The following POLR3A variants were observed in gnomAD, a reference collection of about 807,000 sequenced individuals.
The protein encoded by POLR3A is RNA polymerase III subunit A, also known as DNA-directed RNA polymerase III subunit RPC1.
A neutral mutation model predicts 152.8 loss-of-function variants in POLR3A; 112 were observed. The ratio of observed to expected loss-of-function variants is 0.73; its 90% CI spans 0.63 to 0.86. The LOEUF is 0.86. Ranked by LOEUF, POLR3A falls within the 40% of genes least tolerant of loss-of-function variation. POLR3A has a pLI of 0.00. For missense variants in POLR3A, 1,385 were observed against 1,743.1 expected (o/e 0.79, Z 3.66); for synonymous variants, 615 against 652.1 (o/e 0.94, Z 0.87).
Position 78,029,442 on chromosome 10 carries a change from G to T in POLR3A, c.-35C>A. On this transcript the variant is annotated 5_prime_UTR_variant, in exon 1 of 31. Transcript: ENST00000372371. ...TGCCGGGACGCCTCCTTGGCACTCG[G>T]GAGGCCAGATTAGAGAAACGATGCC... 6.2e-7 allele frequency: 1 copy of T among 1,612,996 alleles called. No homozygotes were observed. Among genetic ancestry groups the T allele is most frequent in the Non-Finnish European group, 8.5e-7 (1 of 1,179,346 alleles).
At chr10:77,984,155 G>A in intron 25 of POLR3A, 50 bp downstream of exon 25, 1 of 1,337,010 alleles carries the variant, frequency 7.5e-7, no homozygotes, top group Non-Finnish European at 1.1e-6. Context: ...ACACTTCCTT[G>A]CAACATTGCT....
intron 15 of POLR3A, 112 bp from the exon 16 acceptor site, chr10:78,005,000 T>C: frequency 2.4e-6 from 2 of 826,814 alleles, no homozygotes; most frequent in Non-Finnish European, 4.2e-6. Flanking sequence ...ACTATGTATG[T>C]ATAGTTTAAA....
chr10:77,986,295 C>T (rs1267061737), intron 21 of POLR3A, 136 bp from the exon 22 acceptor site: 3 of 707,396 alleles, frequency 4.2e-6, no homozygotes, highest in Non-Finnish European at 5.2e-6. Context: ...ATAAAGGACC[C>T]AATCTGGATA....
intron 26 of POLR3A, among the ~76,000 whole-genome samples, chr10:77,983,621 C>G (rs940715192): frequency 6.6e-6 from 1 of 152,188 alleles, no homozygotes; most frequent in Non-Finnish European, 1.5e-5. Context: ...AGGGTCCTTC[C>G]AGACACTGGG....
chr10:77,995,729 A>C (rs969855323), intron 19 of POLR3A, among the ~76,000 whole-genome samples: 1 of 152,194 alleles, frequency 6.6e-6, no homozygotes, highest in African/African-American at 2.4e-5. Flanking sequence ...TTAACACCCC[A>C]CTGTCAACAT....
Position 77,985,981 on chromosome 10 carries a change from C to G in POLR3A, c.2993G>C (p.Arg998Pro), listed in dbSNP as rs139665002. ...GATGCGGTCCAGCTGGTACAGCACA[C>G]GGGGCTGGGAGAATACAAGCCAAGC... ...GINDNGTTEP[R>P]VLYQLDRITP... The change falls in exon 23 of 31, where the codon CGT (arginine) becomes CCT (proline). Residue 998 changes from arginine (R) to proline (P), a missense_variant. Physicochemically the swap from Arg to Pro is moderately radical, Grantham distance 103. Coordinates refer to ENST00000372371, the MANE Select transcript of POLR3A (RefSeq NM_007055.4). 3.1e-6 allele frequency: 5 copies of G among 1,613,826 alleles called. No homozygotes were observed. Among genetic ancestry groups the G allele is most frequent in the Non-Finnish European group, 4.2e-6 (5 of 1,179,898 alleles).
At chr10:78,007,939 G>C (rs1847426959) in intron 14 of POLR3A, 73 bp from the exon 15 acceptor site, 6 of 1,152,586 alleles carry the variant, frequency 5.2e-6, no homozygotes, top group Non-Finnish European at 3.6e-6. Flanking sequence ...ATTTGAGACA[G>C]TTGAGAAAAT....
chr10:78,002,155 C>T (rs377628501), intron 17 of POLR3A, 42 bp downstream of exon 17: 62 of 1,249,208 alleles, frequency 5.0e-5, no homozygotes, highest in Middle Eastern at 2.2e-4. Flanking sequence ...ACAGCCTGTA[C>T]GGAGAACACA....
At chr10:77,978,313 A>G (rs1281376993) in intron 30 of POLR3A, among the ~76,000 whole-genome samples, 1 of 152,218 alleles carries the variant, frequency 6.6e-6, no homozygotes, top group Non-Finnish European at 1.5e-5. Flanking sequence ...TTGTGCTACC[A>G]AGGAACCGGA....
At chr10:78,008,661 G>T (rs564548133) in intron 14 of POLR3A, among the ~76,000 whole-genome samples, 9 of 152,274 alleles carry the variant, frequency 5.9e-5, no homozygotes, top group Non-Finnish European at 1.5e-5. Flanking sequence ...GCAGGGCTCT[G>T]TGGACTGCAC....
Position 77,977,611 on chromosome 10 carries a change from A to T in POLR3A, c.4040T>A (p.Ile1347Asn). The change falls in exon 31 of 31, where the codon ATC (isoleucine) becomes AAC (asparagine). Residue 1347 changes from isoleucine (I) to asparagine (N), a missense_variant. By Grantham distance (149) the Ile-to-Asn change is moderately radical (BLOSUM62 -3). Coordinates refer to ENST00000372371, the MANE Select transcript of POLR3A (RefSeq NM_007055.4). ...KDSVCGVSEC[I>N]IMGIPMNIGT... ...AATGTTCATTGGGATTCCCATGATG[A>T]TGCACTCAGACACCCCTGAAACCAA... The T allele has an allele frequency of 6.2e-7, 1 of 1,613,936 alleles. No homozygotes were observed. The highest frequency in any genetic ancestry group is 8.5e-7 in the Non-Finnish European group (1 of 1,179,836).
At chr10:77,999,173 G>C (rs1406145557) in intron 19 of POLR3A, among the ~76,000 whole-genome samples, 1 of 152,130 alleles carries the variant, frequency 6.6e-6, no homozygotes, top group Non-Finnish European at 1.5e-5. Context: ...AGCGGGGAGG[G>C]ATAGCATTAG....
chr10:78,025,241 T>A, intron 3 of POLR3A, 99 bp from the exon 4 acceptor site: 1 of 1,267,738 alleles, frequency 7.9e-7, no homozygotes, highest in Non-Finnish European at 1.1e-6. Flanking sequence ...CTTAACCACG[T>A]GACCATATAC....
intron 16 of POLR3A, among the ~76,000 whole-genome samples, chr10:78,003,493 C>T (rs1847376952): frequency 6.6e-6 from 1 of 152,176 alleles, no homozygotes; most frequent in Non-Finnish European, 1.5e-5. Flanking sequence ...GGTGGTGATT[C>T]TGATTCTGAC....
chr10:77,999,254 A>T lies in POLR3A; in HGVS notation c.2616+727T>A, dbSNP rs559698189. Among the ~76,000 whole-genome samples, 10 of 152,336 alleles carry T rather than the reference A, an allele frequency of 6.6e-5. No homozygotes were observed. The South Asian group carries it at 2.1e-3, about 32-fold the overall frequency. Reference sequence around the variant, plus strand: ...CATGGCACATGTATACATATGTAACAAACCTGCACGTTGTGCACATGTACC... The same window carrying T: ...CATGGCACATGTATACATATGTAACTAACCTGCACGTTGTGCACATGTACC... On this transcript the variant is annotated intron_variant, in intron 19 of 30. Coordinates refer to ENST00000372371, the MANE Select transcript of POLR3A (RefSeq NM_007055.4).
At chr10:78,010,114 T>G in intron 12 of POLR3A, 123 bp from the exon 13 acceptor site, 1 of 1,278,346 alleles carries the variant, frequency 7.8e-7, no homozygotes, top group South Asian at 1.3e-5. Flanking sequence ...AAACAGCTGC[T>G]TACTGGCTTT....
In POLR3A at chr10:77,975,850, T is replaced by A. The variant is rs1175114076; in HGVS notation, c.*1628A>T. On this transcript the variant is annotated 3_prime_UTR_variant, in exon 31 of 31. Coordinates refer to ENST00000372371, the MANE Select transcript of POLR3A (RefSeq NM_007055.4). ...AGGCAGTTGGGGTGGGGGGTACCCCTTTATGGCTCTTCCCAGGTTACATGA... is the reference window on the plus strand; with the variant it reads ...AGGCAGTTGGGGTGGGGGGTACCCCATTATGGCTCTTCCCAGGTTACATGA... 1 of 151,998 alleles carries A rather than the reference T, an allele frequency of 6.6e-6. No individual in the cohort carries two copies. The allele number at this position is 151,998 out of a possible 1,614,324, so 9.4% of individuals were successfully genotyped here.
At chr10:78,026,823 C>T (rs1372070161) in intron 1 of POLR3A, among the ~76,000 whole-genome samples, 1 of 152,202 alleles carries the variant, frequency 6.6e-6, no homozygotes, top group Non-Finnish European at 1.5e-5. Context: ...TGTATAGACA[C>T]CTCCTCCTGG....
At chr10:78,023,548 C>T (rs1490683563) in intron 5 of POLR3A, among the ~76,000 whole-genome samples, 5 of 151,732 alleles carry the variant, frequency 3.3e-5, no homozygotes, top group Admixed American at 1.3e-4. Context: ...TGGAGGCTGA[C>T]GCAGGAGGAT....
Sources: gnomAD v4.1 joint callset for allele counts (sites outside exome capture counted in the v4.1 genomes callset) on GRCh38, gnomAD v4.1.1 for gene constraint, MANE v1.5 for transcripts, NCBI Gene and HGNC (gene_info 2026-07-23, HGNC 2026-07-21) for gene names.